The following TRPM3 variants were observed in gnomAD, a reference collection of about 807,000 sequenced individuals.
The protein encoded by TRPM3 is long transient receptor potential channel 3.
Under a neutral mutation model 181.2 loss-of-function variants are expected in TRPM3, and 77 were observed. That is an observed-to-expected ratio of 0.42 (90% CI 0.35 to 0.51). The LOEUF (loss-of-function observed/expected upper bound fraction) is 0.51. Ranked by LOEUF, TRPM3 falls within the 20% of genes least tolerant of loss-of-function variation. The pLI, the probability that TRPM3 is intolerant of heterozygous loss-of-function variation, is 0.01. For synonymous variants in TRPM3, 745 were observed against 796.4 expected, an observed-to-expected ratio of 0.94 and a Z score of 1.09; for missense variants, 1,759 against 2,196.7, an observed-to-expected ratio of 0.80 and a Z score of 3.98.
intron 1 of TRPM3, among the ~76,000 whole-genome samples, chr9:71,314,602 GC>G (rs2132423782): frequency 6.6e-6 from 1 of 152,162 alleles, no homozygotes; most frequent in East Asian, 1.9e-4. Flanking sequence ...TATAACTATG[GC>G]CCCCACCTCA....
intron 6 of TRPM3, among the ~76,000 whole-genome samples, chr9:70,799,922 T>C (rs1464360068): frequency 6.6e-6 from 1 of 152,208 alleles, no homozygotes; most frequent in African/African-American, 2.4e-5. Context: ...CTCAGTCAAT[T>C]TGAAGACTTG....
At chr9:71,033,905 C>T (rs752430148) in intron 1 of TRPM3, among the ~76,000 whole-genome samples, 12 of 152,234 alleles carry the variant, frequency 7.9e-5, no homozygotes, top group Non-Finnish European at 1.6e-4. Flanking sequence ...AGTCAGGCTG[C>T]CATCCCATCA....
intron 1 of TRPM3, among the ~76,000 whole-genome samples, chr9:71,175,822 G>C (rs866198538): frequency 5.9e-5 from 9 of 152,262 alleles, no homozygotes; most frequent in Middle Eastern, 3.4e-3. Flanking sequence ...GTCATGCAAT[G>C]GTAAATATTT....
chr9:71,105,214 G>A (rs1804965499), intron 1 of TRPM3, among the ~76,000 whole-genome samples: 1 of 152,190 alleles, frequency 6.6e-6, no homozygotes, highest in African/African-American at 2.4e-5. Context: ...CATATTGTAT[G>A]ACTTGACTTA....
chr9:70,535,189 A>C lies in TRPM3; in HGVS notation c.*764T>G. On this transcript the variant is annotated 3_prime_UTR_variant, in exon 26 of 26. Coordinates refer to ENST00000677713, the MANE Select transcript of TRPM3 (RefSeq NM_001366145.2). ...ACTTGAACGCCCACTGTATATAATA[A>C]ATCACTTGACTTTTGTTTTTTTAAC... 1.8e-6 allele frequency: 1 copy of C among 543,464 alleles called. No individual in the cohort carries two copies. The highest frequency in any genetic ancestry group is 2.8e-5 in the South Asian group (1 of 36,352). 33.7% of individuals were successfully genotyped at this position (543,464 alleles called of 1,614,324 possible).
chr9:71,310,185 A>T (rs2087779575), intron 1 of TRPM3, among the ~76,000 whole-genome samples: 1 of 152,062 alleles, frequency 6.6e-6, no homozygotes. Context: ...AAATTAAATG[A>T]GGTAAGAATC....
At chr9:70,765,428 T>A (rs2078925442) in intron 7 of TRPM3, among the ~76,000 whole-genome samples, 4 of 151,960 alleles carry the variant, frequency 2.6e-5, no homozygotes, top group Admixed American at 2.6e-4. Flanking sequence ...CCACCTCTAC[T>A]AAAAATTCAA....
At chr9:71,407,512 G>A (rs1479237045) in intron 1 of TRPM3, among the ~76,000 whole-genome samples, 1 of 151,952 alleles carries the variant, frequency 6.6e-6, no homozygotes, top group Non-Finnish European at 1.5e-5. Context: ...TGAGTCAGCA[G>A]TGAGGCTGGG....
At chr9:70,687,513 T>C (rs377166627) in intron 8 of TRPM3, among the ~76,000 whole-genome samples, 1 of 152,206 alleles carries the variant, frequency 6.6e-6, no homozygotes, top group Non-Finnish European at 1.5e-5. Flanking sequence ...GAGATTCTTC[T>C]TGAAAATCCC....
chr9:71,261,091 A>C (rs1046153599), intron 1 of TRPM3, among the ~76,000 whole-genome samples: 1 of 152,192 alleles, frequency 6.6e-6, no homozygotes, highest in Non-Finnish European at 1.5e-5. Flanking sequence ...AATATTCTGA[A>C]GAGTGTTTTC....
At chr9:71,136,195 A>G (rs1337033411) in intron 1 of TRPM3, among the ~76,000 whole-genome samples, 1 of 152,240 alleles carries the variant, frequency 6.6e-6, no homozygotes, top group Non-Finnish European at 1.5e-5. Context: ...ACTAAAGGTA[A>G]GATCCAACTG....
intron 22 of TRPM3, among the ~76,000 whole-genome samples, chr9:70,577,953 T>G (rs1017254704): frequency 1.3e-5 from 2 of 152,162 alleles, no homozygotes; most frequent in Non-Finnish European, 2.9e-5. Context: ...AACCATTCAG[T>G]TCATAGTGAC....
chr9:70,772,617 C>A (rs927719689), intron 7 of TRPM3, among the ~76,000 whole-genome samples: 1 of 152,198 alleles, frequency 6.6e-6, no homozygotes, highest in Non-Finnish European at 1.5e-5. Context: ...GCCACCACAC[C>A]CAGCCATATC....
intron 6 of TRPM3, among the ~76,000 whole-genome samples, chr9:70,802,032 C>G (rs943520340): frequency 6.6e-6 from 1 of 152,182 alleles, no homozygotes; most frequent in Non-Finnish European, 1.5e-5. Context: ...ATCAGCAGGT[C>G]TAGAATAAGA....
intron 1 of TRPM3, among the ~76,000 whole-genome samples, chr9:71,222,777 G>A (rs1415874827): frequency 6.6e-6 from 1 of 152,162 alleles, no homozygotes. Flanking sequence ...CAGTGATTGT[G>A]GGTTTTGCAT....
intron 1 of TRPM3, among the ~76,000 whole-genome samples, chr9:71,206,368 T>G (rs554799394): frequency 6.6e-6 from 1 of 152,340 alleles, no homozygotes; most frequent in East Asian, 1.9e-4. Flanking sequence ...CTTTTTCATA[T>G]GTTTGTTGGC....
At chr9:71,112,681 C>A (rs1015836280) in intron 1 of TRPM3, among the ~76,000 whole-genome samples, 1 of 152,044 alleles carries the variant, frequency 6.6e-6, no homozygotes, top group Non-Finnish European at 1.5e-5. Context: ...CCAAATTGAA[C>A]AAGATATGAT....
At chr9:71,360,586 T>C (rs1485755122) in intron 1 of TRPM3, among the ~76,000 whole-genome samples, 2 of 152,200 alleles carry the variant, frequency 1.3e-5, no homozygotes, top group Non-Finnish European at 2.9e-5. Flanking sequence ...ATTAAGCATA[T>C]AAGCTCATGC....
At chr9:71,198,876 T>C (rs80058645) in intron 1 of TRPM3, among the ~76,000 whole-genome samples, 2,106 of 82,276 alleles carry the variant, frequency 0.026, 81 homozygotes, top group Middle Eastern at 0.057. Flanking sequence ...CCTTCTCCTG[T>C]CTAATTGCCC....
Sources: allele counts gnomAD v4.1 joint callset (sites outside exome capture counted in the v4.1 genomes callset), GRCh38; gene constraint gnomAD v4.1.1; transcripts MANE v1.5; gene names NCBI Gene and HGNC (gene_info 2026-07-23, HGNC 2026-07-21).